ADPRM: variants seen among roughly 807,000 people sequenced by gnomAD.
ADPRM encodes manganese-dependent ADP-ribose/CDP-alcohol diphosphatase.
ADPRM carries 17 observed loss-of-function variants against 27.2 expected under a neutral mutation model. That is an observed-to-expected ratio of 0.63 (90% CI 0.43 to 0.94). ADPRM has a LOEUF of 0.94. Among genes scored for constraint, ADPRM ranks in the 40% least tolerant of loss-of-function variants. ADPRM has a pLI of 0.00. For synonymous variants in ADPRM, 135 were observed against 145.3 expected, an observed-to-expected ratio of 0.93 and a Z score of 0.51; for missense variants, 337 against 412.8, an observed-to-expected ratio of 0.82 and a Z score of 1.59.
At chr17:10,706,662 T>A in intron 3 of ADPRM, 108 bp downstream of exon 3, 1 of 708,540 alleles carries the variant, frequency 1.4e-6, no homozygotes. Context: ...TTCTATAAAA[T>A]GGACACTTAG....
At position 10,704,921 on chromosome 17, in the gene ADPRM, G is replaced by C; in HGVS notation, c.-6G>C. 2 of 1,560,490 alleles carry C rather than the reference G, an allele frequency of 1.3e-6. No homozygotes were observed. The highest frequency in any genetic ancestry group is 1.7e-6 in the Non-Finnish European group (2 of 1,156,702). On this transcript the variant is annotated 5_prime_UTR_variant, in exon 2 of 4. Transcript: ENST00000379774. ...TTTACTTTATTTAGAAACCTGTTTG[G>C]AGGTTATGGATGATAAACCCAATCC...
Position 10,705,043 on chromosome 17 carries a change from A to G in ADPRM, c.117A>G (p.Gly39=). The G allele has an allele frequency of 6.2e-7, 1 of 1,614,186 alleles. No homozygotes were observed. Residue 39 remains glycine (G), a synonymous_variant, in exon 2 of 4, where the codon GGA becomes GGG. Transcript: ENST00000379774. This position sits in a 1 kb window ranked among gnomAD's most constrained non-coding sequence, Gnocchi z 5.4. The part of the protein sequence containing the change: ...ADLEDGFNFQ[G]TRRRYYRHSL... ...TAGAAGATGGCTTTAATTTCCAAGGAACCAGGCGGCGATACTACAGACATA... is the reference window on the plus strand; with the variant it reads ...TAGAAGATGGCTTTAATTTCCAAGGGACCAGGCGGCGATACTACAGACATA...
intron 3 of ADPRM, 90 bp from the exon 4 acceptor site, chr17:10,710,737 TTTTTTTC>T (rs1440548158): frequency 7.3e-5 from 86 of 1,176,498 alleles, no homozygotes; most frequent in Non-Finnish European, 9.5e-5. Context: ...GATAGCAATT[TTTTTTTC>T]TTTTTCTGAG....
chr17:10,705,748 G>A lies in ADPRM; in HGVS notation c.601+221G>A, dbSNP rs759780559. On this transcript the variant is annotated intron_variant, in intron 2 of 3. Coordinates refer to ENST00000379774, the MANE Select transcript of ADPRM (RefSeq NM_020233.5). This position sits in a 1 kb window ranked among gnomAD's most constrained non-coding sequence, Gnocchi z 5.4. Reference sequence around the variant, plus strand: ...ATTTTAGGCCAGGCACTTTTTCTAGGGGTAGATATTCCGAGCTGTAAACAA... The same window carrying A: ...ATTTTAGGCCAGGCACTTTTTCTAGAGGTAGATATTCCGAGCTGTAAACAA... 6 of 646,508 alleles carry A rather than the reference G, an allele frequency of 9.3e-6. No homozygotes were observed. Among genetic ancestry groups the A allele is most frequent in the Non-Finnish European group, 1.5e-5 (6 of 394,406 alleles). The allele number at this position is 646,508 out of a possible 1,614,324, so 40.0% of individuals were successfully genotyped here. A position where few individuals can be genotyped will look rare whatever the true frequency, so the allele number is the denominator to read the frequency against.
At chr17:10,700,795 C>G (rs1038211365) in intron 1 of ADPRM, among the ~76,000 whole-genome samples, 2 of 151,690 alleles carry the variant, frequency 1.3e-5, no homozygotes, top group Admixed American at 6.6e-5. Flanking sequence ...ATCTCTCATG[C>G]CTAAGGTAGT....
chr17:10,705,290 AC>A lies in ADPRM; in HGVS notation c.365del (p.Thr122AsnfsTer10). 6.2e-7 allele frequency: 1 copy of A among 1,614,074 alleles called. No homozygotes were observed. The highest frequency in any genetic ancestry group is 1.1e-5 in the South Asian group (1 of 91,084). ...EFYNFSREYLTHSKLNTKFLE... is the reference protein window; with the variant it reads ...EFYNFSREYLXHSKLNTKFLE... ...CTATAACTTCAGTAGAGAGTATTTAACACACTCTAAACTTAACACTAAGTTT... is the reference window on the plus strand; with the variant it reads ...CTATAACTTCAGTAGAGAGTATTTAAACACTCTAAACTTAACACTAAGTTT... On this transcript the variant is annotated frameshift_variant, in exon 2 of 4. Transcript: ENST00000379774. LOFTEE classifies it high-confidence loss of function. The surrounding 1 kb of genome is among the most constrained non-coding windows in gnomAD (Gnocchi z 5.4).
At chr17:10,701,538 C>A (rs925969833) in intron 1 of ADPRM, among the ~76,000 whole-genome samples, 1 of 152,150 alleles carries the variant, frequency 6.6e-6, no homozygotes, top group Admixed American at 6.5e-5. Flanking sequence ...ACCATGTTAG[C>A]CAGGATGGTC....
rs1273615063 is a variant in ADPRM, at chr17:10,711,035, A to G, written c.920A>G (p.Gln307Arg). The change falls in exon 4 of 4, where the codon CAA becomes CGA. Residue 307 changes from glutamine to arginine, a missense_variant. Gln to Arg is a conservative substitution (Grantham distance 43). Transcript: ENST00000379774. ...GTTATTGAAACAGCTCCAGACAGCC[A>G]AGCCTTTGGCACAGTTCATGTCTAT... ...EGVIETAPDSQAFGTVHVYPD... is the reference protein window; with the variant it reads ...EGVIETAPDSRAFGTVHVYPD... The G allele has an allele frequency of 3.1e-6, 5 of 1,614,086 alleles. No homozygotes were observed. The highest frequency in any genetic ancestry group is 4.2e-6 in the Non-Finnish European group (5 of 1,180,012).
chr17:10,708,564 GAGC>G (rs761797956), intron 3 of ADPRM, among the ~76,000 whole-genome samples: 81 of 152,188 alleles, frequency 5.3e-4, no homozygotes, highest in Non-Finnish European at 8.5e-4. Context: ...CACGTAGAAG[GAGC>G]AGAAGTGTTT....
At chr17:10,697,755 G>A (rs1364183513) in intron 1 of ADPRM, 88 bp downstream of exon 1, 3 of 584,244 alleles carry the variant, frequency 5.1e-6, no homozygotes, top group African/African-American at 1.9e-5. Context: ...CGGGAAGGGG[G>A]CTGCCTTAGG....
At position 10,706,555 on chromosome 17, in the gene ADPRM, G is replaced by C. The variant is rs1567580499; in HGVS notation, c.718+1G>C. The C allele has an allele frequency of 6.4e-7, 1 of 1,560,234 alleles. No individual in the cohort carries two copies. The highest frequency in any genetic ancestry group is 2.0e-5 in the Admixed American group (1 of 49,608). On this transcript the variant is annotated splice_donor_variant, in intron 3 of 3. Coordinates refer to ENST00000379774, the MANE Select transcript of ADPRM (RefSeq NM_020233.5). LOFTEE classifies it high-confidence loss of function. ...AACCAAGAAAAGGTGGTGATTGTGA[G>C]TAAGTATTTAATTTATCTGATTACA...
Position 10,705,123 on chromosome 17 carries a change from C to T in ADPRM, c.197C>T (p.Pro66Leu). 6.2e-7 allele frequency: 1 copy of T among 1,614,044 alleles called. No homozygotes were observed. Among genetic ancestry groups the T allele is most frequent in the Middle Eastern group, 1.6e-4 (1 of 6,062 alleles). The change falls in exon 2 of 4, where the codon CCC (proline) becomes CTC (leucine). Residue 66 changes from proline to leucine, a missense_variant. Coordinates refer to ENST00000379774, the MANE Select transcript of ADPRM (RefSeq NM_020233.5). This position sits in a 1 kb window ranked among gnomAD's most constrained non-coding sequence, Gnocchi z 5.4. Reference protein sequence around the residue: ...IEDWNNESSMPCCVLQLGDII... With the variant: ...IEDWNNESSMLCCVLQLGDII... ...GACTGGAATAATGAAAGCAGCATGC[C>T]CTGTTGTGTCCTTCAGCTTGGAGAT...
chr17:10,697,606 C>T lies in ADPRM; in HGVS notation c.-79C>T. On this transcript the variant is annotated 5_prime_UTR_variant, in exon 1 of 4. Transcript: ENST00000379774. ...AAGGAGTCGCTCTGTCCGTCCCGCT[C>T]GTTGGTGGCGCTGTTACATAGCCCG... 2 of 1,447,444 alleles carry T rather than the reference C, an allele frequency of 1.4e-6. No individual in the cohort carries two copies. The highest frequency in any genetic ancestry group is 1.4e-5 in the African/African-American group (1 of 71,568). The allele number at this position is 1,447,444 out of a possible 1,614,324, so 89.7% of individuals were successfully genotyped here.
chr17:10,707,111 A>G (rs1207890212), intron 3 of ADPRM, among the ~76,000 whole-genome samples: 1 of 152,194 alleles, frequency 6.6e-6, no homozygotes, highest in African/African-American at 2.4e-5. Flanking sequence ...TGACTTCACC[A>G]TGATAACTAA....
chr17:10,704,733 T>C (rs531447810), intron 1 of ADPRM, among the ~76,000 whole-genome samples, 177 bp from the exon 2 acceptor site: 32 of 152,298 alleles, frequency 2.1e-4, no homozygotes, highest in African/African-American at 7.5e-4. Flanking sequence ...AGAAAGCAAG[T>C]GTTTTAGAGG....
At position 10,711,008 on chromosome 17, in the gene ADPRM, G is replaced by A; in HGVS notation, c.893G>A (p.Gly298Glu). ...GGTGTATACCACGTCAACCTAGAAG[G>A]AGTTATTGAAACAGCTCCAGACAGC... ...PFGVYHVNLE[G>E]VIETAPDSQA... Residue 298 changes from glycine to glutamate, a missense_variant, in exon 4 of 4, where the codon GGA becomes GAA. Coordinates refer to ENST00000379774, the MANE Select transcript of ADPRM (RefSeq NM_020233.5). 1 of 1,614,124 alleles carries A rather than the reference G, an allele frequency of 6.2e-7. No homozygotes were observed. The highest frequency in any genetic ancestry group is 2.2e-5 in the East Asian group (1 of 44,872).
chr17:10,710,604 A>G (rs534093020), intron 3 of ADPRM, among the ~76,000 whole-genome samples: 2 of 152,326 alleles, frequency 1.3e-5, no homozygotes, highest in Non-Finnish European at 2.9e-5. Context: ...TTGCCTCTAC[A>G]GCAGCCTGTC....
chr17:10,701,249 G>A (rs1057059366), intron 1 of ADPRM, among the ~76,000 whole-genome samples: 5 of 151,942 alleles, frequency 3.3e-5, no homozygotes, highest in African/African-American at 9.7e-5. Flanking sequence ...ATTCAAAAGC[G>A]AAATATTTCC....
intron 1 of ADPRM, among the ~76,000 whole-genome samples, chr17:10,698,795 A>G (rs1036128421): frequency 6.6e-6 from 1 of 152,046 alleles, no homozygotes; most frequent in Non-Finnish European, 1.5e-5. Context: ...TAATCAAACT[A>G]TTTTTTTCTA....
Sources: gnomAD v4.1 joint callset for allele counts (sites outside exome capture counted in the v4.1 genomes callset) on GRCh38, gnomAD v4.1.1 for gene constraint, Gnocchi (gnomAD v3.1) non-coding constraint, MANE v1.5 for transcripts, NCBI Gene and HGNC (gene_info 2026-07-23, HGNC 2026-07-21) for gene names.